DNMBP: variants seen among roughly 807,000 people sequenced by gnomAD.
DNMBP encodes the protein dynamin-binding protein.
In DNMBP, 87 loss-of-function variants were observed where a neutral mutation model predicts 150.0. The observed-to-expected ratio is 0.58, with a 90% CI of 0.49 to 0.69. The LOEUF (loss-of-function observed/expected upper bound fraction) is 0.69. DNMBP is among the 30% of genes least tolerant of loss of function. DNMBP has a pLI of 0.00. For missense variants in DNMBP, 1,774 were observed against 1,949.0 expected (o/e 0.91, Z 1.69); for synonymous variants, 711 against 750.4 (o/e 0.95, Z 0.86).
At chr10:99,927,094 C>A (rs1335352431) in intron 4 of DNMBP, 1 of 152,308 alleles carries the variant, frequency 6.6e-6, no homozygotes, top group African/African-American at 2.4e-5. Flanking sequence ...TGGCTTCCTG[C>A]CTGGGGGAGA....
In DNMBP at chr10:99,886,546, G is replaced by C. The variant is rs761821490; in HGVS notation, c.3372C>G (p.Arg1124=). The change falls in exon 13 of 17, where the codon CGC becomes CGG. Residue 1124 remains arginine (R), a synonymous_variant. Coordinates refer to ENST00000324109, the MANE Select transcript of DNMBP (RefSeq NM_015221.4). Reference sequence around the variant, plus strand: ...TATAGAAGTCCAGGAGCTTGTCAAAGCGTTTCTGTACCAGCTTATGGGGCC... The same window carrying C: ...TATAGAAGTCCAGGAGCTTGTCAAACCGTTTCTGTACCAGCTTATGGGGCC... ...FTGPHKLVQK[R]FDKLLDFYNC... 6.2e-7 allele frequency: 1 copy of C among 1,614,168 alleles called. No individual in the cohort carries two copies. Among genetic ancestry groups the C allele is most frequent in the South Asian group, 1.1e-5 (1 of 91,082 alleles).
intron 11 of DNMBP, among the ~76,000 whole-genome samples, chr10:99,891,263 C>A (rs867794971): frequency 6.8e-6 from 1 of 147,656 alleles, no homozygotes; most frequent in Non-Finnish European, 1.5e-5. Flanking sequence ...GCTGCCATCT[C>A]GGCTCACTGC....
At chr10:99,886,726 G>T in intron 12 of DNMBP, 94 bp from the exon 13 acceptor site, 1 of 1,200,188 alleles carries the variant, frequency 8.3e-7, no homozygotes, top group Non-Finnish European at 1.2e-6. Flanking sequence ...GTTGTGTCCT[G>T]AACCACCTAC....
intron 4 of DNMBP, among the ~76,000 whole-genome samples, chr10:99,931,729 G>A (rs1394146886): frequency 6.6e-6 from 1 of 152,202 alleles, no homozygotes; most frequent in Non-Finnish European, 1.5e-5. Context: ...GAGGCATTGT[G>A]GAACAGAAAA....
intron 3 of DNMBP, 137 bp downstream of exon 3, chr10:99,968,978 C>T (rs1268713368): frequency 1.7e-5 from 15 of 896,416 alleles, no homozygotes; most frequent in South Asian, 8.9e-5. Flanking sequence ...GGCATCATTA[C>T]GTCCACGCTA....
chr10:99,942,178 G>T (rs927055297), intron 4 of DNMBP, among the ~76,000 whole-genome samples: 2 of 152,074 alleles, frequency 1.3e-5, no homozygotes, highest in African/African-American at 2.4e-5. Context: ...AAATGGTTTG[G>T]CTGGCCCCCA....
intron 9 of DNMBP, among the ~76,000 whole-genome samples, chr10:99,897,375 C>T (rs1183241647): frequency 6.6e-6 from 1 of 152,036 alleles, no homozygotes; most frequent in Non-Finnish European, 1.5e-5. Context: ...TTGGGGTTTT[C>T]TAAAAGACAA....
rs1248043105 is a variant in DNMBP, at chr10:99,898,225, C to A, written c.2781G>T (p.Met927Ile). ...SFLIKPVQRV[M>I]RYPLLLMELL... Reference sequence around the variant, plus strand: ...ACTCCATTAGCAACAGCGGGTAACGCATTACTCTCTGTACTGGTTTGATGA... The same window carrying A: ...ACTCCATTAGCAACAGCGGGTAACGAATTACTCTCTGTACTGGTTTGATGA... Residue 927 changes from methionine to isoleucine, a missense_variant, in exon 9 of 17, where the codon ATG becomes ATT. Met to Ile is a conservative substitution (Grantham distance 10, BLOSUM62 1). Transcript: ENST00000324109. 6.2e-7 allele frequency: 1 copy of A among 1,613,888 alleles called. No individual in the cohort carries two copies. Among genetic ancestry groups the A allele is most frequent in the Non-Finnish European group, 8.5e-7 (1 of 1,180,000 alleles).
At position 99,909,037 on chromosome 10, in the gene DNMBP, T is replaced by C; in HGVS notation, c.2370A>G (p.Glu790=). ...RMLEKRAKVI[E]ELLQTERDYI... ...AGTCTCTTTCTGTCTGAAGAAGTTCTTCTATGACCTTGGCTCTCTTCTCCA... is the reference window on the plus strand; with the variant it reads ...AGTCTCTTTCTGTCTGAAGAAGTTCCTCTATGACCTTGGCTCTCTTCTCCA... Residue 790 remains glutamate, a synonymous_variant, in exon 5 of 17, where the codon GAA becomes GAG. Transcript: ENST00000324109. 1 of 1,614,242 alleles carries C rather than the reference T, an allele frequency of 6.2e-7. No individual in the cohort carries two copies. Among genetic ancestry groups the C allele is most frequent in the African/African-American group, 1.3e-5 (1 of 75,068 alleles).
At chr10:99,879,088 A>AAAAAAAAAAAC (rs1359400898) in intron 16 of DNMBP, among the ~76,000 whole-genome samples, 2 of 149,758 alleles carry the variant, frequency 1.3e-5, no homozygotes, top group East Asian at 3.9e-4. Context: ...CTGTCTCAAA[A>AAAAAAAAAAAC]AAAAAAAAAA....
intron 2 of DNMBP, among the ~76,000 whole-genome samples, chr10:99,971,409 G>A (rs760073193): frequency 6.6e-6 from 1 of 151,740 alleles, no homozygotes; most frequent in Non-Finnish European, 1.5e-5. Context: ...TTGCTATGTT[G>A]ACCAGGCTGG....
chr10:99,990,810 C>CATATATAT (rs10531743), intron 1 of DNMBP, among the ~76,000 whole-genome samples: 8 of 146,658 alleles, frequency 5.5e-5, no homozygotes, highest in Non-Finnish European at 5.9e-5. Context: ...CATATATACA[C>CATATATAT]ATATATATAT....
chr10:99,902,438 T>C (rs2039757331), intron 6 of DNMBP, among the ~76,000 whole-genome samples: 1 of 148,108 alleles, frequency 6.8e-6, no homozygotes, highest in Non-Finnish European at 1.5e-5. Flanking sequence ...GTCTCCTGAG[T>C]AGCTGGGATC....
At chr10:99,916,318 T>C (rs1319970864) in intron 4 of DNMBP, among the ~76,000 whole-genome samples, 1 of 152,108 alleles carries the variant, frequency 6.6e-6, no homozygotes, top group African/African-American at 2.4e-5. Flanking sequence ...CAAAAATTAG[T>C]TGGGCGTGGT....
Position 99,955,882 on chromosome 10 carries a change from C to G in DNMBP, c.1592G>C (p.Gly531Ala). ...LEMKPGPQAQGLVMEAATHSQ... is the reference protein window; with the variant it reads ...LEMKPGPQAQALVMEAATHSQ... ...ATGTGTTGCTGCTTCCATAACAAGC[C>G]CTTGGGCTTGCGGACCAGGCTTCAT... The change falls in exon 4 of 17, where the codon GGG becomes GCG. Residue 531 changes from glycine (G) to alanine (A), a missense_variant. Gly to Ala is a moderately conservative substitution (Grantham distance 60, BLOSUM62 0). Coordinates refer to ENST00000324109, the MANE Select transcript of DNMBP (RefSeq NM_015221.4). 1 of 1,614,148 alleles carries G rather than the reference C, an allele frequency of 6.2e-7. No homozygotes were observed. The highest frequency in any genetic ancestry group is 1.1e-5 in the South Asian group (1 of 91,084).
chr10:100,003,857 T>A (rs1319260239), intron 1 of DNMBP, among the ~76,000 whole-genome samples: 3 of 151,498 alleles, frequency 2.0e-5, no homozygotes, highest in Admixed American at 6.6e-5. Flanking sequence ...ACATAAAAAA[T>A]AAATAAATAA....
chr10:99,889,312 G>A (rs890309453), intron 11 of DNMBP: 1 of 163,252 alleles, frequency 6.1e-6, no homozygotes, highest in Admixed American at 6.1e-5. Flanking sequence ...CCTTCCTCAA[G>A]TCTTGGTTCA....
intron 3 of DNMBP, among the ~76,000 whole-genome samples, chr10:99,962,373 T>G (rs2040573793): frequency 6.6e-6 from 1 of 152,236 alleles, no homozygotes; most frequent in African/African-American, 2.4e-5. Context: ...GGCTCACGCC[T>G]GTAATCCCAG....
At chr10:99,949,451 G>T (rs1262218580) in intron 4 of DNMBP, among the ~76,000 whole-genome samples, 1 of 152,114 alleles carries the variant, frequency 6.6e-6, no homozygotes, top group Non-Finnish European at 1.5e-5. Flanking sequence ...AGTAATGCCT[G>T]GTGCTCAAAC....
Sources: allele counts gnomAD v4.1 joint callset (sites outside exome capture counted in the v4.1 genomes callset), GRCh38; gene constraint gnomAD v4.1.1; transcripts MANE v1.5; gene names NCBI Gene and HGNC (gene_info 2026-07-23, HGNC 2026-07-21).